Variants in FGF14 observed in about 807,000 individuals in gnomAD.
FGF14 encodes the protein fibroblast growth factor homologous factor 4.
Under a neutral mutation model 25.5 loss-of-function variants are expected in FGF14, and 5 were observed. That is an observed-to-expected ratio of 0.20 (90% confidence interval 0.10 to 0.41). FGF14 has a LOEUF of 0.41. Ranked by LOEUF, FGF14 falls within the 10% of genes least tolerant of loss-of-function variation. FGF14 has a pLI of 1.00. For synonymous variants in FGF14, 138 were observed against 118.3 expected (o/e 1.17, Z -1.08); for missense variants, 222 against 320.1 (o/e 0.69, Z 2.34).
At chr13:101,727,050 A>G (rs1022070261) in intron 3 of FGF14, among the ~76,000 whole-genome samples, 2 of 152,168 alleles carry the variant, frequency 1.3e-5, no homozygotes, top group East Asian at 1.9e-4. Flanking sequence ...AAAACAATAC[A>G]TGAGCAAACT....
chr13:101,876,089 G>C (rs2045374940), intron 1 of FGF14, among the ~76,000 whole-genome samples: 1 of 152,188 alleles, frequency 6.6e-6, no homozygotes, highest in Admixed American at 6.5e-5. Context: ...CATTGAGATA[G>C]AGGGCAGTGG....
intron 1 of FGF14, among the ~76,000 whole-genome samples, chr13:102,239,199 G>A (rs550755532): frequency 6.6e-6 from 1 of 152,270 alleles, no homozygotes; most frequent in East Asian, 1.9e-4. Context: ...CTATTACCCA[G>A]TTACTGTACA....
Position 102,041,931 on chromosome 13 carries a change from C to T in FGF14, c.209-166635G>A, listed in dbSNP as rs182839233. 9.7e-4 allele frequency among the ~76,000 whole-genome samples: 148 copies of T among 152,278 alleles called. 3 individuals are homozygous for T. Among genetic ancestry groups the T allele is most frequent in the African/African-American group, 3.4e-3 (141 of 41,566 alleles). On this transcript the variant is annotated intron_variant, in intron 1 of 4. Coordinates refer to the FGF14 transcript ENST00000376131. Reference sequence around the variant, plus strand: ...TTCTCCTTCACAAGTCTCCTAAGTTCCATTGCTTGAGAATGCACATCTTAA... The same window carrying T: ...TTCTCCTTCACAAGTCTCCTAAGTTTCATTGCTTGAGAATGCACATCTTAA...
intron 1 of FGF14, among the ~76,000 whole-genome samples, chr13:102,333,462 T>C (rs552463279): frequency 8.5e-5 from 13 of 152,324 alleles, no homozygotes; most frequent in African/African-American, 3.1e-4. Flanking sequence ...TCATTGGTTC[T>C]AAACTGAGTC....
At chr13:102,164,825 T>C (rs564325798) in intron 1 of FGF14, among the ~76,000 whole-genome samples, 76 of 152,300 alleles carry the variant, frequency 5.0e-4, no homozygotes, top group South Asian at 2.1e-3. Context: ...TAGGAAAAGA[T>C]ATAAAATAAG....
intron 1 of FGF14, among the ~76,000 whole-genome samples, chr13:102,202,791 C>T (rs1157964284): frequency 6.6e-6 from 1 of 152,090 alleles, no homozygotes; most frequent in Non-Finnish European, 1.5e-5. Flanking sequence ...GTAAAATGTC[C>T]TTTTCTGAGT....
At chr13:101,850,403 G>A (rs1566310482) in intron 3 of FGF14, among the ~76,000 whole-genome samples, 2 of 138,114 alleles carry the variant, frequency 1.4e-5, no homozygotes, top group Admixed American at 7.4e-5. Context: ...GCAGTGAGCT[G>A]AGATCGTGCC....
intron 1 of FGF14, among the ~76,000 whole-genome samples, chr13:101,895,794 T>G (rs2030564597): frequency 1.3e-5 from 2 of 152,196 alleles, no homozygotes; most frequent in Non-Finnish European, 2.9e-5. Flanking sequence ...CCTAGAAATA[T>G]TCTATAACAA....
At chr13:102,043,244 A>G (rs1474445546) in intron 1 of FGF14, among the ~76,000 whole-genome samples, 5 of 152,200 alleles carry the variant, frequency 3.3e-5, no homozygotes, top group Non-Finnish European at 4.4e-5. Flanking sequence ...CGGATAAGCA[A>G]AATGAAGCAC....
chr13:102,295,778 C>T (rs542131630), intron 1 of FGF14, among the ~76,000 whole-genome samples: 15 of 152,156 alleles, frequency 9.9e-5, no homozygotes, highest in African/African-American at 3.4e-4. Context: ...CAATGGGCAG[C>T]GACCAAGAAA....
chr13:101,745,858 A>T (rs144875779), intron 3 of FGF14, among the ~76,000 whole-genome samples: 1 of 152,138 alleles, frequency 6.6e-6, no homozygotes, highest in East Asian at 1.9e-4. Context: ...GAACACACTT[A>T]GGGGAATGAA....
intron 1 of FGF14, among the ~76,000 whole-genome samples, chr13:102,010,614 G>T (rs543861745): frequency 6.6e-6 from 1 of 152,148 alleles, no homozygotes; most frequent in East Asian, 1.9e-4. Context: ...GAAAAACCTA[G>T]GTTTTAAAGT....
chr13:102,267,593 G>A (rs1475149161), intron 1 of FGF14, among the ~76,000 whole-genome samples: 1 of 152,082 alleles, frequency 6.6e-6, no homozygotes, highest in Non-Finnish European at 1.5e-5. Context: ...ATGGCTATGT[G>A]TAGAGAGAGA....
intron 1 of FGF14, among the ~76,000 whole-genome samples, chr13:101,941,908 T>C (rs1435714695): frequency 2.2e-4 from 34 of 152,196 alleles, no homozygotes; most frequent in Admixed American, 2.2e-3. Flanking sequence ...TTTCTTTTGC[T>C]TATTGGGTAG....
At chr13:101,726,204 T>G (rs113860358) in intron 4 of FGF14, among the ~76,000 whole-genome samples, 3,645 of 152,178 alleles carry the variant, frequency 0.024, 142 homozygotes, top group African/African-American at 0.083. Flanking sequence ...GGAAAATACT[T>G]TTGATTCCAC....
At chr13:101,891,925 T>C (rs1441347242) in intron 1 of FGF14, among the ~76,000 whole-genome samples, 1 of 151,932 alleles carries the variant, frequency 6.6e-6, no homozygotes, top group African/African-American at 2.4e-5. Flanking sequence ...ATATCAGAAA[T>C]AGAGAAAGAA....
At chr13:102,021,520 G>A (rs561359327) in intron 1 of FGF14, among the ~76,000 whole-genome samples, 28 of 151,952 alleles carry the variant, frequency 1.8e-4, no homozygotes, top group East Asian at 9.8e-4. Context: ...GTAGCTGTGC[G>A]TTGCCTGTCA....
intron 3 of FGF14, among the ~76,000 whole-genome samples, chr13:101,770,619 G>A (rs543356413): frequency 4.6e-5 from 7 of 152,016 alleles, no homozygotes; most frequent in Non-Finnish European, 8.8e-5. Flanking sequence ...TACAGAACAA[G>A]AAAGAAATGT....
chr13:102,110,521 C>T (rs1251179063), intron 1 of FGF14, among the ~76,000 whole-genome samples: 1 of 152,190 alleles, frequency 6.6e-6, no homozygotes, highest in East Asian at 1.9e-4. Context: ...CAGGATTTGT[C>T]TGTGGCTGCT....
Sources: allele counts gnomAD v4.1 joint callset (sites outside exome capture counted in the v4.1 genomes callset), GRCh38; gene constraint gnomAD v4.1.1; transcripts MANE v1.5; gene names NCBI Gene and HGNC (gene_info 2026-07-23, HGNC 2026-07-21).